Variants in P3H2 observed in about 807,000 individuals in gnomAD.
P3H2 encodes the protein leprecan-like 1.
In P3H2, 80 loss-of-function variants were observed where a neutral mutation model predicts 87.0. The observed-to-expected ratio is 0.92, with a 90% CI of 0.77 to 1.11. The LOEUF is 1.11. Among genes scored for constraint, P3H2 ranks in the 50% least tolerant of loss-of-function variants. The pLI is 0.00. For synonymous variants in P3H2, 367 were observed against 359.3 expected, an observed-to-expected ratio of 1.02 and a Z score of -0.24; for missense variants, 1,001 against 923.9, an observed-to-expected ratio of 1.08 and a Z score of -1.08.
At chr3:189,986,159 G>A (rs1034521480) in intron 6 of P3H2, among the ~76,000 whole-genome samples, 10 of 152,058 alleles carry the variant, frequency 6.6e-5, no homozygotes, top group African/African-American at 1.9e-4. Flanking sequence ...CACCACATCC[G>A]GAATTTAGGA....
chr3:190,011,236 G>A (rs1304602701), intron 1 of P3H2, among the ~76,000 whole-genome samples: 3 of 147,460 alleles, frequency 2.0e-5, no homozygotes, highest in Non-Finnish European at 4.4e-5. Context: ...TTGCGCCACT[G>A]CACTGCAGCC....
At chr3:189,973,507 CTTTCTTTTTTT>C (rs779025713) in intron 10 of P3H2, among the ~76,000 whole-genome samples, 24,202 of 78,358 alleles carry the variant, frequency 0.31, 3,529 homozygotes, top group East Asian at 0.53. Context: ...TTCTTTCTTT[CTTTCTTTTTTT>C]TTTTTTTTTT....
In P3H2 at chr3:190,108,088, T is replaced by C. The variant is rs150893298; in HGVS notation, c.480+12164A>G. ...TCCCAAAGTGTTGGGATTACAGGCA[T>C]GAGGCATTGTGCCCAGCCTAAAAAT... On this transcript the variant is annotated intron_variant, in intron 1 of 14. Coordinates refer to ENST00000319332, the MANE Select transcript of P3H2 (RefSeq NM_018192.4). Among the ~76,000 whole-genome samples, 1,181 of 152,206 alleles carry C rather than the reference T, an allele frequency of 7.8e-3. 12 individuals are homozygous for C. Among genetic ancestry groups the C allele is most frequent in the African/African-American group, 0.027 (1,120 of 41,542 alleles).
At chr3:189,984,042 G>A (rs1025574855) in intron 7 of P3H2, among the ~76,000 whole-genome samples, 9 of 151,858 alleles carry the variant, frequency 5.9e-5, no homozygotes, top group Non-Finnish European at 1.0e-4. Context: ...AAACCTGCAC[G>A]TTGTGCACAT....
intron 1 of P3H2, among the ~76,000 whole-genome samples, chr3:190,061,597 T>C (rs1263318067): frequency 6.6e-6 from 1 of 152,134 alleles, no homozygotes; most frequent in East Asian, 1.9e-4. Context: ...CTTTTAGAGT[T>C]CATTTCTGCC....
chr3:190,076,272 T>G (rs1726875265), intron 1 of P3H2, among the ~76,000 whole-genome samples: 1 of 152,088 alleles, frequency 6.6e-6, no homozygotes, highest in African/African-American at 2.4e-5. Flanking sequence ...AGGAGCACAC[T>G]CTGGATTTTC....
chr3:190,121,307 G>T (rs564241553), upstream of P3H2, among the ~76,000 whole-genome samples: 3 of 150,690 alleles, frequency 2.0e-5, no homozygotes, highest in Non-Finnish European at 2.9e-5. Context: ...ACAAATCTGC[G>T]CATTCTGCAC....
chr3:190,047,523 A>G (rs1391468982), intron 1 of P3H2, among the ~76,000 whole-genome samples: 1 of 152,216 alleles, frequency 6.6e-6, no homozygotes, highest in Non-Finnish European at 1.5e-5. Flanking sequence ...ATATCTAAAC[A>G]TAAGAGTTCC....
At chr3:189,974,460 G>A in intron 9 of P3H2, 98 bp downstream of exon 9, 1 of 1,484,280 alleles carries the variant, frequency 6.7e-7, no homozygotes, top group Non-Finnish European at 9.3e-7. Flanking sequence ...CAATATTTCA[G>A]GGCTTGTTGT....
chr3:190,076,731 G>C (rs1373753881), intron 1 of P3H2, among the ~76,000 whole-genome samples: 1 of 152,192 alleles, frequency 6.6e-6, no homozygotes, highest in African/African-American at 2.4e-5. Context: ...TGGCTGCTTG[G>C]TGGAAACAGG....
intron 1 of P3H2, among the ~76,000 whole-genome samples, chr3:190,067,773 G>A (rs970234756): frequency 1.3e-5 from 2 of 151,900 alleles, no homozygotes; most frequent in Non-Finnish European, 2.9e-5. Flanking sequence ...TTATTCTTAA[G>A]TATACAAAAA....
At chr3:190,059,617 C>T (rs1041269019) in intron 1 of P3H2, among the ~76,000 whole-genome samples, 2 of 152,180 alleles carry the variant, frequency 1.3e-5, no homozygotes, top group African/African-American at 4.8e-5. Flanking sequence ...GCATCACTCA[C>T]CTTCACTGCC....
intron 3 of P3H2, among the ~76,000 whole-genome samples, chr3:189,991,842 T>C (rs1404685142): frequency 6.6e-6 from 1 of 152,212 alleles, no homozygotes; most frequent in Non-Finnish European, 1.5e-5. Flanking sequence ...TTTTGTTTTT[T>C]TAGAGACTGC....
intron 1 of P3H2, among the ~76,000 whole-genome samples, chr3:190,069,950 GTT>G (rs559020113): frequency 9.5e-5 from 14 of 147,300 alleles, no homozygotes; most frequent in Middle Eastern, 3.4e-3. Flanking sequence ...GTGTAGACAA[GTT>G]TTTTTTTTTT....
At chr3:190,046,466 C>A (rs116735425) in intron 1 of P3H2, among the ~76,000 whole-genome samples, 2,233 of 152,178 alleles carry the variant, frequency 0.015, 40 homozygotes, top group African/African-American at 0.05. Flanking sequence ...ATTGTTCTGG[C>A]CAAATGAAGT....
chr3:189,982,534 A>G (rs575198247), intron 8 of P3H2, among the ~76,000 whole-genome samples: 1 of 152,216 alleles, frequency 6.6e-6, no homozygotes, highest in African/African-American at 2.4e-5. Context: ...GTTTCTTTTA[A>G]CCACTAGAAT....
intron 9 of P3H2, 22 bp from the exon 10 acceptor site, chr3:189,974,026 T>TA: frequency 6.4e-7 from 1 of 1,573,946 alleles, no homozygotes; most frequent in Non-Finnish European, 8.7e-7. Flanking sequence ...TACAAGAAGA[T>TA]ACGTCATCAA....
At chr3:189,979,423 G>A (rs1328930624) in intron 8 of P3H2, among the ~76,000 whole-genome samples, 1 of 151,708 alleles carries the variant, frequency 6.6e-6, no homozygotes, top group Non-Finnish European at 1.5e-5. Context: ...GTGAGGCTCT[G>A]GCTCTAAAAT....
intron 1 of P3H2, among the ~76,000 whole-genome samples, chr3:190,025,229 C>CCTGGACGGT (rs1319270659): frequency 6.6e-6 from 1 of 151,860 alleles, no homozygotes; most frequent in African/African-American, 2.4e-5. Flanking sequence ...GGAATAATTT[C>CCTGGACGGT]CCTCAGAGAC....
Sources: gnomAD v4.1 joint callset for allele counts (sites outside exome capture counted in the v4.1 genomes callset) on GRCh38, gnomAD v4.1.1 for gene constraint, MANE v1.5 for transcripts, NCBI Gene and HGNC (gene_info 2026-07-23, HGNC 2026-07-21) for gene names.